The following TMEM161B variants were observed in gnomAD, a reference collection of about 807,000 sequenced individuals.
TMEM161B encodes transmembrane protein 161B.
TMEM161B carries 34 observed loss-of-function variants against 61.8 expected under a neutral mutation model. The observed-to-expected ratio is 0.55, with a 90% CI of 0.42 to 0.73. The LOEUF is 0.73. Ranked by LOEUF, TMEM161B falls within the 30% of genes least tolerant of loss-of-function variation. The pLI is 0.00. For missense variants in TMEM161B, 456 were observed against 558.5 expected, an observed-to-expected ratio of 0.82 and a Z score of 1.85; for synonymous variants, 167 against 192.8, an observed-to-expected ratio of 0.87 and a Z score of 1.11.
chr5:88,242,607 T>C lies in TMEM161B; in HGVS notation c.4-1691A>G, dbSNP rs1175335460. Among the ~76,000 whole-genome samples the C allele has an allele frequency of 7.3e-5, 11 of 151,426 alleles. No homozygotes were observed. The Admixed American group carries it at 7.3e-4, about 10-fold the overall frequency. On this transcript the variant is annotated intron_variant, in intron 1 of 11. Transcript: ENST00000296595. ...CACTAGCTACATGACTTTGGACATG[T>C]TATTTAATCAAACATTCTGCAAGTC...
chr5:88,210,837 C>T (rs1055510115), intron 5 of TMEM161B, among the ~76,000 whole-genome samples: 6 of 152,174 alleles, frequency 3.9e-5, no homozygotes, highest in Non-Finnish European at 8.8e-5. Context: ...ACATACAGAG[C>T]TTCCAATCAG....
Position 88,195,294 on chromosome 5 carries a change from T to C in TMEM161B, c.*917A>G, listed in dbSNP as rs1382458896. On this transcript the variant is annotated 3_prime_UTR_variant, in exon 12 of 12. Coordinates refer to ENST00000296595, the MANE Select transcript of TMEM161B (RefSeq NM_153354.5). ...ATCTCATTCAAGTCACTTTTTAACA[T>C]ACATTCTGCAACTTAAAATATTATA... The C allele has an allele frequency of 4.4e-6, 4 of 899,540 alleles. No individual in the cohort carries two copies. The highest frequency in any genetic ancestry group is 5.6e-4 in the Middle Eastern group (1 of 1,794). The allele number at this position is 899,540 out of a possible 1,614,324, so 55.7% of individuals were successfully genotyped here. A position where few individuals can be genotyped will look rare whatever the true frequency, so the allele number is the denominator to read the frequency against.
rs192278393 is a variant in TMEM161B at position 88,234,678 on chromosome 5, A to C, written c.107+6135T>G. ...CTTGGAAGACAGATACAGATATAAA[A>C]GTCATTAGAATGTAGCATGTAGAAT... On this transcript the variant is annotated intron_variant, in intron 2 of 11. Transcript: ENST00000296595. Among the ~76,000 whole-genome samples the C allele has an allele frequency of 1.3e-4, 20 of 152,308 alleles. No homozygotes were observed. In the East Asian group the frequency reaches 3.9e-3, roughly 29 times the overall value.
intron 3 of TMEM161B, among the ~76,000 whole-genome samples, chr5:88,226,850 C>A (rs2112568905): frequency 6.6e-6 from 1 of 152,274 alleles, no homozygotes; most frequent in East Asian, 1.9e-4. Context: ...GGTGCAATGG[C>A]TCGCACCTGT....
chr5:88,236,541 C>CT (rs1350474115), intron 2 of TMEM161B, among the ~76,000 whole-genome samples: 3 of 152,170 alleles, frequency 2.0e-5, no homozygotes, highest in Non-Finnish European at 4.4e-5. Flanking sequence ...ATAAGAACGT[C>CT]TTTAACTGAT....
chr5:88,206,548 G>T, intron 6 of TMEM161B, 49 bp from the exon 7 acceptor site: 2 of 1,433,770 alleles, frequency 1.4e-6, no homozygotes, highest in East Asian at 2.3e-5. Flanking sequence ...TCACAAATGT[G>T]AAATACAGAA....
chr5:88,198,934 G>T, intron 10 of TMEM161B, 42 bp downstream of exon 10: 3 of 1,537,992 alleles, frequency 2.0e-6, no homozygotes, highest in South Asian at 1.3e-5. Flanking sequence ...TTTACAGTGC[G>T]GTTTTTGCTA....
At chr5:88,242,162 T>A (rs941629864) in intron 1 of TMEM161B, among the ~76,000 whole-genome samples, 1 of 151,864 alleles carries the variant, frequency 6.6e-6, no homozygotes, top group East Asian at 1.9e-4. Context: ...CTCAACCTCA[T>A]ATTCACAGCC....
chr5:88,238,270 C>T (rs187367492), intron 2 of TMEM161B, among the ~76,000 whole-genome samples: 1 of 151,670 alleles, frequency 6.6e-6, no homozygotes, highest in East Asian at 1.9e-4. Flanking sequence ...CAACTTCAAA[C>T]TCTCCATTTC....
intron 4 of TMEM161B, among the ~76,000 whole-genome samples, 164 bp from the exon 5 acceptor site, chr5:88,220,883 G>T (rs141325191): frequency 4.0e-4 from 61 of 152,056 alleles, no homozygotes; most frequent in Middle Eastern, 3.4e-3. Context: ...AAAAATGCAA[G>T]AAATAGACTG....
rs772703529 is a variant in TMEM161B at position 88,206,422 on chromosome 5, A to T, written c.659+17T>A. ...AAAGGTTAAATTTAAATAATGCTTAATTTTTCAAAAACTTACTGAGATTCT... is the reference window on the plus strand; with the variant it reads ...AAAGGTTAAATTTAAATAATGCTTATTTTTTCAAAAACTTACTGAGATTCT... On this transcript the variant is annotated intron_variant, in intron 7 of 11. Coordinates refer to ENST00000296595, the MANE Select transcript of TMEM161B (RefSeq NM_153354.5). 1.3e-6 allele frequency: 2 copies of T among 1,578,218 alleles called. No individual in the cohort carries two copies. Among genetic ancestry groups the T allele is most frequent in the Non-Finnish European group, 1.7e-6 (2 of 1,161,244 alleles).
At chr5:88,231,428 C>T (rs576591574) in intron 2 of TMEM161B, among the ~76,000 whole-genome samples, 3 of 152,296 alleles carry the variant, frequency 2.0e-5, no homozygotes, top group Admixed American at 6.5e-5. Context: ...GTGCAGTATA[C>T]TCAGTTGGTT....
intron 1 of TMEM161B, among the ~76,000 whole-genome samples, chr5:88,247,831 G>A (rs1313880791): frequency 6.6e-6 from 1 of 152,006 alleles, no homozygotes; most frequent in Non-Finnish European, 1.5e-5. Flanking sequence ...TTTTTCACCG[G>A]TCTATTTGGT....
chr5:88,217,314 A>G (rs1394182603), intron 5 of TMEM161B, among the ~76,000 whole-genome samples: 1 of 152,170 alleles, frequency 6.6e-6, no homozygotes, highest in Non-Finnish European at 1.5e-5. Flanking sequence ...ATCTCTTCCT[A>G]AATCCCACCA....
intron 4 of TMEM161B, 108 bp from the exon 5 acceptor site, chr5:88,220,827 CTT>C: frequency 7.6e-7 from 1 of 1,316,724 alleles, no homozygotes. Flanking sequence ...ATACGCTAGA[CTT>C]TATTTGTTCA....
intron 5 of TMEM161B, among the ~76,000 whole-genome samples, chr5:88,212,891 T>A (rs926045404): frequency 3.3e-5 from 5 of 152,224 alleles, no homozygotes; most frequent in Non-Finnish European, 5.9e-5. Flanking sequence ...TACACAAGTA[T>A]GATAAATAGT....
chr5:88,194,223 G>A (rs528899740), downstream of TMEM161B, among the ~76,000 whole-genome samples: 26 of 152,000 alleles, frequency 1.7e-4, no homozygotes, highest in South Asian at 6.2e-4. Flanking sequence ...TTCAGCTCCC[G>A]CTTATAAAAG....
chr5:88,222,541 T>C (rs1186710509), intron 4 of TMEM161B, among the ~76,000 whole-genome samples: 3 of 152,080 alleles, frequency 2.0e-5, no homozygotes, highest in Non-Finnish European at 2.9e-5. Flanking sequence ...ATGGAAAGGA[T>C]AGACCAAAAT....
At chr5:88,229,104 T>C (rs1397524531) in intron 2 of TMEM161B, among the ~76,000 whole-genome samples, 1 of 152,196 alleles carries the variant, frequency 6.6e-6, no homozygotes, top group African/African-American at 2.4e-5. Flanking sequence ...ACTGGTTGTA[T>C]CCCTCTCTAC....
Sources: allele counts gnomAD v4.1 joint callset (sites outside exome capture counted in the v4.1 genomes callset), GRCh38; gene constraint gnomAD v4.1.1; transcripts MANE v1.5; gene names NCBI Gene and HGNC (gene_info 2026-07-23, HGNC 2026-07-21).